Variants in GALNT13 observed in about 807,000 individuals in gnomAD.
GALNT13 encodes the protein polypeptide N-acetylgalactosaminyltransferase 13, also known as UDP-GalNAc:polypeptide N-acetylgalactosaminyltransferase 13.
Under a neutral mutation model 64.2 loss-of-function variants are expected in GALNT13, and 28 were observed. That is an observed-to-expected ratio of 0.44 (90% CI 0.32 to 0.60). The LOEUF (loss-of-function observed/expected upper bound fraction) is 0.60, where lower values mean the gene tolerates loss of function less well. Ranked by LOEUF, GALNT13 falls within the 20% of genes least tolerant of loss-of-function variation. The probability of loss-of-function intolerance (pLI) is 0.05; values close to 1 mark genes in which losing one functional copy is unlikely to be tolerated. For synonymous variants in GALNT13, 214 were observed against 224.6 expected, an observed-to-expected ratio of 0.95 and a Z score of 0.42; for missense variants, 577 against 669.8, an observed-to-expected ratio of 0.86 and a Z score of 1.53.
the GALNT13 span, among the ~76,000 whole-genome samples, chr2:153,639,288 G>T: frequency 6.6e-6 from 1 of 152,044 alleles, no homozygotes; most frequent in Non-Finnish European, 1.5e-5. Flanking sequence ...CAAAATGGGT[G>T]GGCTAGAAGG....
the GALNT13 span, among the ~76,000 whole-genome samples, chr2:153,726,718 A>T: frequency 2.6e-5 from 4 of 152,022 alleles, no homozygotes; most frequent in Non-Finnish European, 4.4e-5. Context: ...GAGGGGGCGG[A>T]TCACAAGGTC....
the GALNT13 span, among the ~76,000 whole-genome samples, chr2:153,529,137 GTTATT>G: frequency 2.0e-5 from 3 of 151,724 alleles, no homozygotes; most frequent in South Asian, 2.1e-4. Context: ...ACAAAAAGTT[GTTATT>G]TTAAAGTTAA....
intron 4 of GALNT13, among the ~76,000 whole-genome samples, chr2:154,162,946 A>ACATTCTTTTTT (rs1488301070): frequency 6.6e-6 from 1 of 150,792 alleles, no homozygotes; most frequent in Non-Finnish European, 1.5e-5. Context: ...GTCTCAACCC[A>ACATTCTTTTTT]CATTCTTTTT....
At chr2:153,406,969 A>G in the GALNT13 span, among the ~76,000 whole-genome samples, 5 of 152,278 alleles carry the variant, frequency 3.3e-5, no homozygotes, top group East Asian at 5.8e-4. Flanking sequence ...AAATTGAAAC[A>G]TAAGTCTGAT....
At chr2:153,952,750 AG>A (rs765948939) in intron 3 of GALNT13, among the ~76,000 whole-genome samples, 1 of 144,642 alleles carries the variant, frequency 6.9e-6, no homozygotes, top group Non-Finnish European at 1.6e-5. Flanking sequence ...CTGAGGAGCA[AG>A]AAAGCCAGTC....
At chr2:153,266,029 A>C in the GALNT13 span, among the ~76,000 whole-genome samples, 1,684 of 152,280 alleles carry the variant, frequency 0.011, 32 homozygotes, top group African/African-American at 0.038. Flanking sequence ...TAGACACAAC[A>C]CTATTGCACA....
chr2:153,921,287 C>T (rs893881202), intron 2 of GALNT13, among the ~76,000 whole-genome samples: 9 of 152,060 alleles, frequency 5.9e-5, no homozygotes, highest in East Asian at 1.9e-4. Flanking sequence ...AAATACTATA[C>T]GGACACAAAA....
At chr2:153,781,699 T>G in the GALNT13 span, among the ~76,000 whole-genome samples, 5 of 149,124 alleles carry the variant, frequency 3.4e-5, no homozygotes, top group African/African-American at 1.2e-4. Flanking sequence ...TCTTTGAGTT[T>G]AAAAAAAAAA....
At chr2:154,308,912 T>C (rs913994276) in intron 9 of GALNT13, among the ~76,000 whole-genome samples, 4 of 152,188 alleles carry the variant, frequency 2.6e-5, no homozygotes, top group African/African-American at 9.6e-5. Flanking sequence ...TCTATAATTC[T>C]TTAAGGCATT....
intron 2 of GALNT13, among the ~76,000 whole-genome samples, chr2:153,915,856 A>G (rs1363642301): frequency 3.3e-5 from 5 of 152,154 alleles, no homozygotes; most frequent in Admixed American, 3.3e-4. Context: ...TTTACCCCTC[A>G]TCAAAGAGAT....
the GALNT13 span, among the ~76,000 whole-genome samples, chr2:153,774,419 G>T: frequency 6.6e-6 from 1 of 152,054 alleles, no homozygotes; most frequent in African/African-American, 2.4e-5. Context: ...GAAAAAAGTA[G>T]AAGCTAAATT....
chr2:154,442,594 A>T (rs930762900), intron 12 of GALNT13, among the ~76,000 whole-genome samples: 2 of 152,062 alleles, frequency 1.3e-5, no homozygotes, highest in African/African-American at 4.8e-5. Flanking sequence ...AATTCATCTC[A>T]CTGAGACATT....
chr2:153,359,816 C>T, the GALNT13 span, among the ~76,000 whole-genome samples: 1 of 151,784 alleles, frequency 6.6e-6, no homozygotes, highest in African/African-American at 2.4e-5. Context: ...AAAATGTGGA[C>T]AACATGCAAG....
At chr2:153,932,248 A>G (rs1410309620) in intron 2 of GALNT13, among the ~76,000 whole-genome samples, 1 of 151,872 alleles carries the variant, frequency 6.6e-6, no homozygotes, top group Non-Finnish European at 1.5e-5. Flanking sequence ...TTTTGGCTTC[A>G]TTGATCTCTT....
chr2:154,073,772 T>C (rs894792306), intron 3 of GALNT13, among the ~76,000 whole-genome samples: 2 of 151,874 alleles, frequency 1.3e-5, no homozygotes, highest in Non-Finnish European at 2.9e-5. Context: ...AGTTTTGATG[T>C]AGTATCAAAG....
chr2:153,222,307 T>TGGGGGCGGGGGGCGG, the GALNT13 span, among the ~76,000 whole-genome samples: 4 of 6,326 alleles, frequency 6.3e-4, no homozygotes, highest in African/African-American at 2.9e-3. Flanking sequence ...TGAGTCTGGC[T>TGGGGGCGGGGGGCGG]GGGGGGGGGG....
the GALNT13 span, among the ~76,000 whole-genome samples, chr2:153,147,251 A>G: frequency 4.2e-4 from 64 of 151,984 alleles, no homozygotes; most frequent in African/African-American, 1.5e-3. Flanking sequence ...CCCTATGTAC[A>G]GGTAAATGAC....
chr2:153,422,708 A>C, the GALNT13 span, among the ~76,000 whole-genome samples: 1 of 152,150 alleles, frequency 6.6e-6, no homozygotes, highest in Non-Finnish European at 1.5e-5. Context: ...TTTGCCAATT[A>C]TTTTGAAAAT....
At chr2:153,343,428 CAT>C in the GALNT13 span, among the ~76,000 whole-genome samples, 15 of 152,220 alleles carry the variant, frequency 9.9e-5, no homozygotes, top group African/African-American at 3.4e-4. Flanking sequence ...CAGTGTTCTG[CAT>C]ACTAACCAAC....
Sources: allele counts gnomAD v4.1 joint callset (sites outside exome capture counted in the v4.1 genomes callset), GRCh38; gene constraint gnomAD v4.1.1; transcripts MANE v1.5; gene names NCBI Gene and HGNC (gene_info 2026-07-23, HGNC 2026-07-21).